Variants in MTR observed in about 807,000 individuals in gnomAD.
The protein encoded by MTR is 5-methyltetrahydrofolate-homocysteine methyltransferase, also known as methionine synthase.
Under a neutral mutation model 154.8 loss-of-function variants are expected in MTR, and 84 were observed. The observed-to-expected ratio is 0.54, with a 90% CI of 0.45 to 0.65. MTR has a LOEUF of 0.65. MTR is among the 30% of genes least tolerant of loss of function. MTR has a pLI of 0.00. For missense variants in MTR, 1,275 were observed against 1,570.2 expected (o/e 0.81, Z 3.18); for synonymous variants, 554 against 553.9 (o/e 1.00, Z 0.00).
intron 15 of MTR, among the ~76,000 whole-genome samples, chr1:236,847,557 G>T (rs1572257033): frequency 6.6e-6 from 1 of 152,192 alleles, no homozygotes; most frequent in African/African-American, 2.4e-5. Context: ...AGCTATAAAT[G>T]GCATTTATTC....
At position 236,880,798 on chromosome 1, in the gene MTR, G is replaced by A. The variant is rs1354755505; in HGVS notation, c.2638G>A (p.Val880Ile). The part of the protein sequence containing the change: ...VKIAPRYSAP[V>I]IHVLDASKSV... ...AATAGCTCCGAGATACAGTGCACCT[G>A]TAATCCATGTCCTGGACGCGTCCAA... Residue 880 changes from valine (V) to isoleucine (I), a missense_variant, in exon 25 of 33, where the codon GTA becomes ATA. Transcript: ENST00000366577. 2.4e-5 allele frequency: 39 copies of A among 1,614,070 alleles called. No individual in the cohort carries two copies. The highest frequency in any genetic ancestry group is 3.1e-5 in the Non-Finnish European group (36 of 1,180,028).
intron 18 of MTR, among the ~76,000 whole-genome samples, chr1:236,853,613 TC>T (rs1221484452): frequency 6.6e-6 from 1 of 152,190 alleles, no homozygotes; most frequent in African/African-American, 2.4e-5. Context: ...GGAACATATT[TC>T]CATTTTACTT....
chr1:236,898,194 A>T lies in MTR; in HGVS notation c.*550A>T. The T allele has an allele frequency of 6.5e-6, 1 of 154,732 alleles. No individual in the cohort carries two copies. Among genetic ancestry groups the T allele is most frequent in the Non-Finnish European group, 1.4e-5 (1 of 70,026 alleles). The allele number at this position is 154,732 out of a possible 1,614,324, so 9.6% of individuals were successfully genotyped here. On this transcript the variant is annotated 3_prime_UTR_variant, in exon 33 of 33. Coordinates refer to ENST00000366577, the MANE Select transcript of MTR (RefSeq NM_000254.3). ...AAAGGCTGGACTAAATGGCTGCAGA[A>T]CTCCCTTTGGCAAAAGGCATGCGCT...
chr1:236,829,359 T>C (rs1662479746), intron 12 of MTR, 91 bp downstream of exon 12: 1 of 1,077,134 alleles, frequency 9.3e-7, no homozygotes, highest in South Asian at 1.2e-5. Context: ...GCTAGGCAGC[T>C]TGCTTATTAG....
Position 236,862,319 on chromosome 1 carries a change from G to A in MTR, c.2280G>A (p.Val760=). The A allele has an allele frequency of 6.2e-7, 1 of 1,613,856 alleles. No individual in the cohort carries two copies. Among genetic ancestry groups the A allele is most frequent in the African/African-American group, 1.3e-5 (1 of 75,016 alleles). ...FMEKEREETR[V]LNGTVEEEDP... is the part of the protein sequence containing the mutation. ...AAAAAGAAAGAGAAGAAACCAGAGT[G>A]CTTAACGGCACAGTAGAAGAAGAGG... The change falls in exon 21 of 33, where the codon GTG becomes GTA. Residue 760 remains valine (V), a synonymous_variant. Coordinates refer to ENST00000366577, the MANE Select transcript of MTR (RefSeq NM_000254.3).
chr1:236,840,794 G>A (rs1027901468), intron 15 of MTR, among the ~76,000 whole-genome samples: 1 of 152,120 alleles, frequency 6.6e-6, no homozygotes, highest in Non-Finnish European at 1.5e-5. Flanking sequence ...TTTTTTAGTA[G>A]CATGAACAGT....
intron 15 of MTR, among the ~76,000 whole-genome samples, chr1:236,847,203 T>A (rs1663630315): frequency 6.6e-6 from 1 of 152,174 alleles, no homozygotes; most frequent in Admixed American, 6.5e-5. Context: ...CTTCTTTTTT[T>A]AATTACAGCC....
intron 16 of MTR, 61 bp downstream of exon 16, chr1:236,850,584 A>G (rs1663839735): frequency 1.2e-5 from 17 of 1,433,334 alleles, no homozygotes. Context: ...GGTCTAATGA[A>G]TGGTTAGAAC....
At position 236,824,193 on chromosome 1, in the gene MTR, C is replaced by T. The variant is rs1312960389; in HGVS notation, c.839C>T (p.Ala280Val). The T allele has an allele frequency of 5.6e-6, 9 of 1,613,792 alleles. No individual in the cohort carries two copies. The highest frequency in any genetic ancestry group is 2.2e-5 in the East Asian group (1 of 44,890). The stretch of plus-strand genomic sequence containing the variant: ...GAAATAATTGGAAAATGTACAACAG[C>T]CTATGTCCTCTGTTATCCCAATGCA... ...FIEIIGKCTT[A>V]YVLCYPNAGL... The change falls in exon 9 of 33, where the codon GCC becomes GTC. Residue 280 changes from alanine to valine, a missense_variant. Coordinates refer to ENST00000366577, the MANE Select transcript of MTR (RefSeq NM_000254.3).
intron 13 of MTR, among the ~76,000 whole-genome samples, chr1:236,834,916 GAA>G (rs1327852000): frequency 3.9e-5 from 6 of 152,224 alleles, no homozygotes; most frequent in Non-Finnish European, 1.5e-5. Flanking sequence ...TAAATAATTT[GAA>G]AAGCCTTCCA....
At chr1:236,886,480 C>T in intron 27 of MTR, 113 bp downstream of exon 27, 1 of 926,828 alleles carries the variant, frequency 1.1e-6, no homozygotes, top group South Asian at 1.4e-5. Context: ...CGACTCTCAA[C>T]TGTGTCTAAT....
At position 236,861,140 on chromosome 1, in the gene MTR, A is replaced by G. The variant is rs780108847; in HGVS notation, c.2059A>G (p.Ile687Val). ...TCTTTTTTAGGGCATTGAAAAACAT[A>G]TTATTGAGGATACTGAGGAAGCCAG... ...YALVKGIEKH[I>V]IEDTEEARLN... is the part of the protein sequence containing the mutation. The change falls in exon 20 of 33, where the codon ATT (isoleucine) becomes GTT (valine). Residue 687 changes from isoleucine to valine, a missense_variant. Ile to Val is a conservative substitution (Grantham distance 29). Transcript: ENST00000366577. 3.2e-6 allele frequency: 5 copies of G among 1,552,358 alleles called. No individual in the cohort carries two copies. Among genetic ancestry groups the G allele is most frequent in the Non-Finnish European group, 3.5e-6 (4 of 1,156,398 alleles).
chr1:236,868,232 G>A (rs181321153), intron 22 of MTR, among the ~76,000 whole-genome samples: 1 of 152,040 alleles, frequency 6.6e-6, no homozygotes, highest in East Asian at 1.9e-4. Context: ...CCCTCTACCA[G>A]CAAAAAGGTT....
chr1:236,842,837 A>G (rs1030820402), intron 15 of MTR, among the ~76,000 whole-genome samples: 4 of 151,102 alleles, frequency 2.6e-5, no homozygotes, highest in East Asian at 3.9e-4. Flanking sequence ...TGTAATCCCA[A>G]CACTTTGGGA....
intron 19 of MTR, 73 bp from the exon 20 acceptor site, chr1:236,861,052 G>T: frequency 7.5e-7 from 1 of 1,329,018 alleles, no homozygotes; most frequent in South Asian, 1.4e-5. Flanking sequence ...CTCTGTGGAG[G>T]TAAGGCAGTT....
chr1:236,841,761 A>T (rs1448197266), intron 15 of MTR, among the ~76,000 whole-genome samples: 1 of 151,956 alleles, frequency 6.6e-6, no homozygotes, highest in Non-Finnish European at 1.5e-5. Context: ...GCCGTATTCT[A>T]CTTTTACACT....
chr1:236,835,814 A>AG (rs1662874981), intron 14 of MTR, 127 bp downstream of exon 14: 2 of 1,297,324 alleles, frequency 1.5e-6, no homozygotes, highest in Non-Finnish European at 2.2e-6. Context: ...CATCGAAAAC[A>AG]GGGTAGTTTC....
intron 22 of MTR, among the ~76,000 whole-genome samples, chr1:236,865,016 A>T (rs1221850375): frequency 6.6e-6 from 1 of 152,152 alleles, no homozygotes; most frequent in Non-Finnish European, 1.5e-5. Context: ...ATTTATTTTG[A>T]TCAGTGGATT....
At chr1:236,831,841 T>G in intron 12 of MTR, 125 bp from the exon 13 acceptor site, 1 of 720,440 alleles carries the variant, frequency 1.4e-6, no homozygotes, top group Admixed American at 2.1e-5. Context: ...ACATTGGATC[T>G]CCTATCTGCT....
Sources: allele counts gnomAD v4.1 joint callset (sites outside exome capture counted in the v4.1 genomes callset), GRCh38; gene constraint gnomAD v4.1.1; transcripts MANE v1.5; gene names NCBI Gene and HGNC (gene_info 2026-07-23, HGNC 2026-07-21).